ARFGEF3: variants seen among roughly 807,000 people sequenced by gnomAD.
ARFGEF3 encodes the protein brefeldin A-inhibited guanine nucleotide-exchange protein 3.
ARFGEF3 carries 96 observed loss-of-function variants against 221.7 expected under a neutral mutation model. That is an observed-to-expected ratio of 0.43 (90% CI 0.37 to 0.51). The LOEUF (loss-of-function observed/expected upper bound fraction) is 0.51. ARFGEF3 is among the 20% of genes least tolerant of loss of function. The pLI is 0.00. For missense variants in ARFGEF3, 2,410 were observed against 2,789.9 expected, an observed-to-expected ratio of 0.86 and a Z score of 3.07; for synonymous variants, 1,145 against 1,126.8, an observed-to-expected ratio of 1.02 and a Z score of -0.32.
At chr6:138,216,953 T>A (rs754836429) in intron 4 of ARFGEF3, 5 of 152,244 alleles carry the variant, frequency 3.3e-5, no homozygotes, top group Non-Finnish European at 7.3e-5. Flanking sequence ...AGAATCTTTT[T>A]CTACTTTGCA....
chr6:138,341,218 T>G lies in ARFGEF3; in HGVS notation c.*4732T>G, dbSNP rs1301898426. The G allele has an allele frequency of 6.5e-6, 1 of 154,222 alleles. No homozygotes were observed. Among genetic ancestry groups the G allele is most frequent in the Non-Finnish European group, 1.5e-5 (1 of 68,222 alleles). The allele number at this position is 154,222 out of a possible 1,614,324, so 9.6% of individuals were successfully genotyped here. On this transcript the variant is annotated 3_prime_UTR_variant, in exon 34 of 34. Coordinates refer to ENST00000251691, the MANE Select transcript of ARFGEF3 (RefSeq NM_020340.5). ...CCAACAGTGCCTCTTTACTTGCTTC[T>G]CTGGGAAATACATGGTACTAAATTA...
intron 1 of ARFGEF3, among the ~76,000 whole-genome samples, chr6:138,163,908 T>C (rs1200836046): frequency 6.6e-6 from 1 of 152,170 alleles, no homozygotes; most frequent in East Asian, 1.9e-4. Flanking sequence ...GATAAATGTG[T>C]TGTCCATGGA....
In ARFGEF3 at chr6:138,339,503, T is replaced by G. The variant is rs796988173; in HGVS notation, c.*3017T>G. 31 of 152,368 alleles carry G rather than the reference T, an allele frequency of 2.0e-4. No individual in the cohort carries two copies. Among genetic ancestry groups the G allele is most frequent in the African/African-American group, 7.5e-4 (31 of 41,594 alleles). The allele number at this position is 152,368 out of a possible 1,614,324, so 9.4% of individuals were successfully genotyped here. On this transcript the variant is annotated 3_prime_UTR_variant, in exon 34 of 34. Transcript: ENST00000251691. ...TGAGAGTTTATACATTGTTTTTAGT[T>G]GCCTGTATTTATAGCCAAAAGTATA...
chr6:138,192,015 T>C (rs1562347932), intron 2 of ARFGEF3, among the ~76,000 whole-genome samples: 2 of 152,202 alleles, frequency 1.3e-5, no homozygotes, highest in Non-Finnish European at 2.9e-5. Context: ...CTAGATACTG[T>C]CGGTGCTACG....
intron 2 of ARFGEF3, among the ~76,000 whole-genome samples, chr6:138,190,573 A>C (rs1317729481): frequency 1.3e-5 from 2 of 152,200 alleles, no homozygotes; most frequent in African/African-American, 4.8e-5. Flanking sequence ...TTAATGGTGT[A>C]ATGCTGAAAG....
Position 138,291,677 on chromosome 6 carries a change from G to A in ARFGEF3, c.3048-56G>A. ...CTTTGTCTGGCACTGTGGGGTTTATGGAGCTGCCGGGGTGAGCTGCAGCGC... is the reference window on the plus strand; with the variant it reads ...CTTTGTCTGGCACTGTGGGGTTTATAGAGCTGCCGGGGTGAGCTGCAGCGC... On this transcript the variant is annotated intron_variant, in intron 18 of 33. Transcript: ENST00000251691. The surrounding 1 kb of genome is among the most constrained non-coding windows in gnomAD (Gnocchi z 4.5). 1.6e-6 allele frequency: 2 copies of A among 1,238,110 alleles called. No individual in the cohort carries two copies. Among genetic ancestry groups the A allele is most frequent in the Non-Finnish European group, 2.1e-6 (2 of 962,400 alleles). The allele number at this position is 1,238,110 out of a possible 1,614,324, so 76.7% of individuals were successfully genotyped here. A position where few individuals can be genotyped will look rare whatever the true frequency, so the allele number is the denominator to read the frequency against.
intron 3 of ARFGEF3, among the ~76,000 whole-genome samples, chr6:138,207,963 A>G (rs1402329511): frequency 1.3e-5 from 2 of 152,240 alleles, no homozygotes; most frequent in South Asian, 2.1e-4. Flanking sequence ...GAATTAATGT[A>G]TATTTTTATA....
chr6:138,266,848 C>CAAAAAAAAAAAAAAAAAA (rs55638606), intron 12 of ARFGEF3, among the ~76,000 whole-genome samples: 8 of 77,382 alleles, frequency 1.0e-4, no homozygotes, highest in East Asian at 6.2e-4. Flanking sequence ...GACTCCATCT[C>CAAAAAAAAAAAAAAAAAA]AAAAAAAAAA....
rs1404590818 is a variant in ARFGEF3, at chr6:138,327,894, C to G, written c.5002-127C>G. 8.8e-6 allele frequency: 6 copies of G among 684,418 alleles called. No individual in the cohort carries two copies. The African/African-American group carries it at 9.0e-5, about 10-fold the overall frequency. The allele number at this position is 684,418 out of a possible 1,614,324, so 42.4% of individuals were successfully genotyped here. The stretch of plus-strand genomic sequence containing the variant: ...CAATTAACTCTCTCAACAAACATAT[C>G]AAATAGGAAACCATTATCCTCATTT... On this transcript the variant is annotated intron_variant, in intron 31 of 33. Transcript: ENST00000251691.
Position 138,278,515 on chromosome 6 carries a change from A to G in ARFGEF3, c.2193A>G (p.Ala731=), listed in dbSNP as rs775793048. The change falls in exon 13 of 34, where the codon GCA becomes GCG. Residue 731 remains alanine, a synonymous_variant. Coordinates refer to ENST00000251691, the MANE Select transcript of ARFGEF3 (RefSeq NM_020340.5). ...TCAGCTTCCAGATGCTGATGAACGC[A>G]GACAGCCTCTACACAGCTGCACACT... ...SSLSFQMLMN[A]DSLYTAAHCA... The G allele has an allele frequency of 4.1e-5, 66 of 1,613,816 alleles. No individual in the cohort carries two copies. The African/African-American group carries it at 7.3e-4, about 18-fold the overall frequency.
At chr6:138,210,179 G>A in intron 4 of ARFGEF3, 138 bp downstream of exon 4, 1 of 803,516 alleles carries the variant, frequency 1.2e-6, no homozygotes, top group South Asian at 2.1e-5. Flanking sequence ...TGTTATTCTT[G>A]CTCATGGTCC....
intron 1 of ARFGEF3, among the ~76,000 whole-genome samples, chr6:138,166,018 G>A (rs1776716343): frequency 6.6e-6 from 1 of 152,148 alleles, no homozygotes; most frequent in Admixed American, 6.5e-5. Flanking sequence ...ATCCAGAGCT[G>A]GGGAAAAATG....
chr6:138,246,683 A>T (rs1332875188), intron 8 of ARFGEF3, among the ~76,000 whole-genome samples: 1 of 152,220 alleles, frequency 6.6e-6, no homozygotes. Context: ...TAGTGGTACC[A>T]GGGTTGGGGT....
intron 10 of ARFGEF3, among the ~76,000 whole-genome samples, chr6:138,259,286 G>A (rs1006034965): frequency 5.9e-5 from 9 of 152,346 alleles, no homozygotes; most frequent in South Asian, 2.1e-4. Context: ...CCCTGTTCTC[G>A]TTTTACTTTG....
At chr6:138,269,643 T>C (rs150670506) in intron 12 of ARFGEF3, among the ~76,000 whole-genome samples, 3 of 151,980 alleles carry the variant, frequency 2.0e-5, no homozygotes, top group Non-Finnish European at 4.4e-5. Context: ...ACCCCGTCTG[T>C]ACTAAAAATA....
chr6:138,292,067 G>T lies in ARFGEF3; in HGVS notation c.3368+14G>T. On this transcript the variant is annotated intron_variant, in intron 19 of 33. Transcript: ENST00000251691. Reference sequence around the variant, plus strand: ...GCAAGCCGACAGGTGCGCGGCGCCGGCCTCCCACGCCCCGGGAGCCTGCTT... The same window carrying T: ...GCAAGCCGACAGGTGCGCGGCGCCGTCCTCCCACGCCCCGGGAGCCTGCTT... 1 of 1,402,300 alleles carries T rather than the reference G, an allele frequency of 7.1e-7. No homozygotes were observed. The highest frequency in any genetic ancestry group is 9.3e-7 in the Non-Finnish European group (1 of 1,080,422). The allele number at this position is 1,402,300 out of a possible 1,614,324, so 86.9% of individuals were successfully genotyped here. A position where few individuals can be genotyped will look rare whatever the true frequency, so the allele number is the denominator to read the frequency against.
chr6:138,245,545 G>T lies in ARFGEF3; in HGVS notation c.619G>T (p.Val207Phe), dbSNP rs571633141. 100 of 1,611,358 alleles carry T rather than the reference G, an allele frequency of 6.2e-5. 1 individual carries two copies. In the South Asian group the frequency reaches 1.1e-3, roughly 17 times the overall value. ...AGTAGAGTCCCTCTGTGATGATGTT[G>T]TCTCTGTACTCACCGTCCTGTGTGA... ...STVESLCDDVVSVLTVLCEKL... is the reference protein window; with the variant it reads ...STVESLCDDVFSVLTVLCEKL... Residue 207 changes from valine (V) to phenylalanine (F), a missense_variant, in exon 8 of 34, where the codon GTC becomes TTC. This residue lies in a region of ARFGEF3 where 570 missense variants were observed against 586.9 expected (regional missense o/e 0.97). Transcript: ENST00000251691.
chr6:138,244,200 C>T (rs965016549), intron 7 of ARFGEF3, among the ~76,000 whole-genome samples: 1 of 152,210 alleles, frequency 6.6e-6, no homozygotes, highest in Admixed American at 6.5e-5. Flanking sequence ...TTTTTTATTG[C>T]TGCACTTAAG....
intron 15 of ARFGEF3, 83 bp from the exon 16 acceptor site, chr6:138,286,618 T>G: frequency 1.8e-6 from 2 of 1,092,256 alleles, no homozygotes; most frequent in Admixed American, 1.7e-5. Context: ...GTACTGCTCA[T>G]TTGATAGCAA....
Sources: allele counts gnomAD v4.1 joint callset (sites outside exome capture counted in the v4.1 genomes callset), GRCh38; gene constraint gnomAD v4.1.1; regional missense constraint gnomAD v4.1.1; non-coding constraint Gnocchi (gnomAD v3.1); transcripts MANE v1.5; gene names NCBI Gene and HGNC (gene_info 2026-07-23, HGNC 2026-07-21).